The following PTPRD variants were observed in gnomAD, a reference collection of about 807,000 sequenced individuals.
PTPRD encodes receptor-type tyrosine-protein phosphatase delta.
Under a neutral mutation model 214.5 loss-of-function variants are expected in PTPRD, and 34 were observed. That is an observed-to-expected ratio of 0.16 (90% CI 0.12 to 0.21). The LOEUF (loss-of-function observed/expected upper bound fraction) is 0.21, where lower values mean the gene tolerates loss of function less well. Among genes scored for constraint, PTPRD ranks in the 10% least tolerant of loss-of-function variants. The probability of loss-of-function intolerance (pLI) is 1.00; values close to 1 mark genes in which losing one functional copy is unlikely to be tolerated. For missense variants in PTPRD, 2,545 were observed against 2,398.7 expected (o/e 1.06, Z -1.27); for synonymous variants, 1,128 against 845.7 (o/e 1.33, Z -5.79).
At chr9:9,646,305 G>A (rs1310643781) in intron 7 of PTPRD, among the ~76,000 whole-genome samples, 2 of 142,466 alleles carry the variant, frequency 1.4e-5, no homozygotes, top group African/African-American at 5.4e-5. Flanking sequence ...TGGGAGGGGT[G>A]TGTGTGTGTG....
intron 39 of PTPRD, among the ~76,000 whole-genome samples, chr9:8,349,793 T>C (rs2074919641): frequency 6.6e-6 from 1 of 152,334 alleles, no homozygotes. Flanking sequence ...TCTAGCATTA[T>C]GTTGGTCTCT....
intron 14 of PTPRD, among the ~76,000 whole-genome samples, chr9:8,537,038 G>C (rs952968878): frequency 1.3e-5 from 2 of 151,944 alleles, no homozygotes; most frequent in African/African-American, 4.8e-5. Flanking sequence ...TTTTCTTAAA[G>C]GAAACAGTGT....
intron 11 of PTPRD, among the ~76,000 whole-genome samples, chr9:8,929,835 A>ATATATATGTG (rs2098936361): frequency 2.5e-5 from 2 of 80,326 alleles, no homozygotes; most frequent in Non-Finnish European, 5.2e-5. Context: ...ATATATGTGT[A>ATATATATGTG]TATATATGTG....
chr9:8,907,198 A>G (rs2098713911), intron 11 of PTPRD, among the ~76,000 whole-genome samples: 1 of 151,674 alleles, frequency 6.6e-6, no homozygotes, highest in South Asian at 2.1e-4. Flanking sequence ...AGCTCTCAGG[A>G]AAAAAAAATC....
chr9:9,189,297 A>G (rs2099933640), intron 9 of PTPRD, among the ~76,000 whole-genome samples: 1 of 152,112 alleles, frequency 6.6e-6, no homozygotes. Flanking sequence ...CATTTCACAG[A>G]TGAGGAAGTT....
chr9:8,773,937 T>G (rs1177675155), intron 11 of PTPRD, among the ~76,000 whole-genome samples: 1 of 152,114 alleles, frequency 6.6e-6, no homozygotes, highest in Non-Finnish European at 1.5e-5. Flanking sequence ...TTTCCTTACA[T>G]GACACACTTC....
chr9:10,377,777 G>A (rs1331710662), intron 2 of PTPRD, among the ~76,000 whole-genome samples: 1 of 151,904 alleles, frequency 6.6e-6, no homozygotes, highest in African/African-American at 2.4e-5. Context: ...CAACCATTGT[G>A]GAAGTACCAC....
intron 4 of PTPRD, among the ~76,000 whole-genome samples, chr9:9,976,866 A>T (rs894017520): frequency 5.3e-5 from 8 of 151,930 alleles, no homozygotes; most frequent in African/African-American, 1.7e-4. Flanking sequence ...TAAATTTTTA[A>T]AAAAATGAAA....
intron 2 of PTPRD, among the ~76,000 whole-genome samples, chr9:10,463,671 C>T (rs1304217397): frequency 2.0e-5 from 3 of 151,760 alleles, no homozygotes; most frequent in African/African-American, 7.3e-5. Flanking sequence ...TTCAAAGAAG[C>T]CAAAGCATTA....
At chr9:10,016,573 A>G (rs1303645034) in intron 4 of PTPRD, among the ~76,000 whole-genome samples, 1 of 152,090 alleles carries the variant, frequency 6.6e-6, no homozygotes, top group East Asian at 1.9e-4. Context: ...GAAAATTGCA[A>G]TTTTAAAGTG....
chr9:9,186,713 G>GC (rs1206010611), intron 9 of PTPRD, among the ~76,000 whole-genome samples: 1 of 151,516 alleles, frequency 6.6e-6, no homozygotes, highest in African/African-American at 2.4e-5. Flanking sequence ...ATGTGTGTAT[G>GC]CATGGGAAGT....
At chr9:9,576,442 T>C (rs1057061171) in intron 7 of PTPRD, among the ~76,000 whole-genome samples, 2 of 152,118 alleles carry the variant, frequency 1.3e-5, no homozygotes. Flanking sequence ...TCATTAACCC[T>C]CCAGGAGCAA....
chr9:10,412,127 G>C (rs2098442111), intron 2 of PTPRD, among the ~76,000 whole-genome samples: 1 of 151,674 alleles, frequency 6.6e-6, no homozygotes, highest in Non-Finnish European at 1.5e-5. Context: ...AAGATTTGAA[G>C]CCAAATGAGA....
intron 11 of PTPRD, among the ~76,000 whole-genome samples, chr9:8,797,869 A>ATT (rs35912143): frequency 0.21 from 30,586 of 146,844 alleles, 3,555 homozygotes; most frequent in Middle Eastern, 0.33. Context: ...ATTTAACAGA[A>ATT]TTTTTTTTTT....
intron 14 of PTPRD, among the ~76,000 whole-genome samples, chr9:8,537,677 C>G (rs997507339): frequency 2.6e-5 from 4 of 151,950 alleles, no homozygotes; most frequent in African/African-American, 9.7e-5. Flanking sequence ...ATTCAGCATA[C>G]CAACCAGCTA....
chr9:9,671,859 A>G (rs906453857), intron 7 of PTPRD, among the ~76,000 whole-genome samples: 2 of 152,222 alleles, frequency 1.3e-5, no homozygotes, highest in African/African-American at 4.8e-5. Flanking sequence ...CTTTATCAGC[A>G]GCATGAAAAT....
At chr9:9,377,354 T>C (rs2061062748) in intron 9 of PTPRD, among the ~76,000 whole-genome samples, 1 of 152,140 alleles carries the variant, frequency 6.6e-6, no homozygotes, top group Non-Finnish European at 1.5e-5. Context: ...TAAGATGTTT[T>C]CCTGTGATTA....
At chr9:9,619,577 T>C (rs1487419832) in intron 7 of PTPRD, among the ~76,000 whole-genome samples, 1 of 146,300 alleles carries the variant, frequency 6.8e-6, no homozygotes, top group African/African-American at 2.5e-5. Context: ...TCTAGATTAA[T>C]ATATCATATA....
intron 5 of PTPRD, among the ~76,000 whole-genome samples, chr9:9,821,146 G>A (rs183978063): frequency 7.8e-4 from 118 of 151,934 alleles, no homozygotes; most frequent in African/African-American, 2.7e-3. Flanking sequence ...TATGTTTTCT[G>A]TTAAGTATTT....
Sources: gnomAD v4.1 joint callset for allele counts (sites outside exome capture counted in the v4.1 genomes callset) on GRCh38, gnomAD v4.1.1 for gene constraint, MANE v1.5 for transcripts, NCBI Gene and HGNC (gene_info 2026-07-23, HGNC 2026-07-21) for gene names.